The following FDXR variants were observed in gnomAD, a reference collection of about 807,000 sequenced individuals.
FDXR encodes the protein ferredoxin reductase, also known as NADPH:adrenodoxin oxidoreductase, mitochondrial.
In FDXR, 38 loss-of-function variants were observed where a neutral mutation model predicts 58.3. The observed-to-expected ratio is 0.65, with a 90% CI of 0.50 to 0.85. FDXR has a LOEUF of 0.85. FDXR is among the 40% of genes least tolerant of loss of function. The pLI is 0.00. For synonymous variants in FDXR, 275 were observed against 273.8 expected (o/e 1.00, Z -0.04); for missense variants, 624 against 671.0 (o/e 0.93, Z 0.77).
At position 74,866,217 on chromosome 17, in the gene FDXR, G is replaced by T; in HGVS notation, c.421C>A (p.Leu141Met). The change falls in exon 5 of 12, where the codon CTG becomes ATG. Residue 141 changes from leucine (L) to methionine (M), a missense_variant. Physicochemically the swap from Leu to Met is conservative, Grantham distance 15. Coordinates refer to ENST00000293195, the MANE Select transcript of FDXR (RefSeq NM_024417.5). ...LSYGAEDHRA[L>M]EIPGEELPGV... Reference sequence around the variant, plus strand: ...GGCAGCTCCTCACCAGGAATTTCCAGGGCCCGATGGTCCTCTGCCCCGTAG... The same window carrying T: ...GGCAGCTCCTCACCAGGAATTTCCATGGCCCGATGGTCCTCTGCCCCGTAG... 1 of 1,613,968 alleles carries T rather than the reference G, an allele frequency of 6.2e-7. No homozygotes were observed. The highest frequency in any genetic ancestry group is 8.5e-7 in the Non-Finnish European group (1 of 1,179,972).
In FDXR at chr17:74,862,960, G is replaced by A. The variant is rs367904925; in HGVS notation, c.1346-13C>T. On this transcript the variant is annotated splice_polypyrimidine_tract_variant and intron_variant, in intron 11 of 11. Coordinates refer to ENST00000293195, the MANE Select transcript of FDXR (RefSeq NM_024417.5). ...ACTGGCCGGACCCCTGAAGCAGAGG[G>A]GAGATTGTCAACACCTCCTCCTTCA... is the stretch of plus-strand genomic sequence containing the variant. 5.0e-6 allele frequency: 8 copies of A among 1,609,018 alleles called. No homozygotes were observed. In the African/African-American group the frequency reaches 6.7e-5, roughly 13 times the overall value.
rs984749438 is a variant in FDXR at position 74,866,457 on chromosome 17, C to T, written c.382G>A (p.Ala128Thr). 3.1e-6 allele frequency: 5 copies of T among 1,613,118 alleles called. No homozygotes were observed. The highest frequency in any genetic ancestry group is 4.5e-5 in the East Asian group (2 of 44,842). ...CTAGCTGCACTCACCAGCACCACAG[C>T]GTGGTAGGCCTCCTGCAGCTCCGGC... ...TVPELQEAYHAVVLSYGAEDH... is the reference protein window; with the variant it reads ...TVPELQEAYHTVVLSYGAEDH... The change falls in exon 4 of 12, where the codon GCT becomes ACT. Residue 128 changes from alanine to threonine, a missense_variant. Transcript: ENST00000293195.
chr17:74,863,229 A>G lies in FDXR; in HGVS notation c.1192T>C (p.Trp398Arg). 6.2e-7 allele frequency: 1 copy of G among 1,612,960 alleles called. No homozygotes were observed. The highest frequency in any genetic ancestry group is 8.5e-7 in the Non-Finnish European group (1 of 1,179,664). ...MDVPGLYCSG[W>R]VKRGPTGVIA... The stretch of plus-strand genomic sequence containing the variant: ...ACACCTGTAGGTCCTCTCTTCACCC[A>G]GCCGCTGCAGTAGAGGCCTGAGAGG... Residue 398 changes from tryptophan to arginine, a missense_variant, in exon 11 of 12, where the codon TGG (tryptophan) becomes CGG (arginine). Coordinates refer to ENST00000293195, the MANE Select transcript of FDXR (RefSeq NM_024417.5).
At chr17:74,871,708 C>G (rs977492143) in intron 2 of FDXR, among the ~76,000 whole-genome samples, 1 of 152,080 alleles carries the variant, frequency 6.6e-6, no homozygotes, top group East Asian at 1.9e-4. Flanking sequence ...TGAAGATAGA[C>G]GAGAGAGGAG....
At chr17:74,863,640 C>G (rs546186346) in intron 10 of FDXR, among the ~76,000 whole-genome samples, 1 of 152,216 alleles carries the variant, frequency 6.6e-6, no homozygotes, top group Non-Finnish European at 1.5e-5. Context: ...GCACTAAGCA[C>G]AGGGCCTAAC....
intron 1 of FDXR, chr17:74,872,387 A>G: frequency 2.2e-6 from 2 of 916,938 alleles, no homozygotes; most frequent in Non-Finnish European, 3.3e-6. Context: ...CTGCCCAACA[A>G]CACTTCATTC....
chr17:74,867,088 C>T (rs1054433390), intron 2 of FDXR: 21 of 1,067,758 alleles, frequency 2.0e-5, no homozygotes, highest in African/African-American at 1.6e-5. Context: ...AGGTGGATAA[C>T]CTGAGGTCAG....
chr17:74,863,021 C>A (rs1214812082), intron 11 of FDXR, 55 bp downstream of exon 11: 3 of 1,601,660 alleles, frequency 1.9e-6, no homozygotes, highest in Non-Finnish European at 2.6e-6. Context: ...AAGAGTGAGG[C>A]CCAGAGAAGG....
chr17:74,864,716 T>C lies in FDXR; in HGVS notation c.717+108A>G, dbSNP rs1783365815. On this transcript the variant is annotated intron_variant, in intron 7 of 11. Transcript: ENST00000293195. ...CCCGGGGCCCTGACTGCTCCCCTTC[T>C]TCCATCCCAGGCAGCAGCTACTCCC... is the stretch of plus-strand genomic sequence containing the variant. 4 of 1,517,188 alleles carry C rather than the reference T, an allele frequency of 2.6e-6. No homozygotes were observed. In the African/African-American group the frequency reaches 4.1e-5, roughly 16 times the overall value. The allele number at this position is 1,517,188 out of a possible 1,614,324, so 94.0% of individuals were successfully genotyped here.
chr17:74,868,765 G>T, intron 2 of FDXR: 1 of 1,476,610 alleles, frequency 6.8e-7, no homozygotes, highest in Admixed American at 2.1e-5. Context: ...AGGTTCTTCC[G>T]ATTGGCCCCC....
intron 1 of FDXR, chr17:74,872,538 T>C: frequency 1.6e-6 from 1 of 621,978 alleles, no homozygotes; most frequent in South Asian, 2.0e-5. Flanking sequence ...TATAGACCCG[T>C]CTTATTCCTA....
intron 10 of FDXR, 112 bp downstream of exon 10, chr17:74,863,784 G>C: frequency 1.5e-6 from 2 of 1,375,440 alleles, no homozygotes; most frequent in Non-Finnish European, 1.0e-6. Flanking sequence ...GGCCTGCCCT[G>C]CAGAAGCTTC....
In FDXR at chr17:74,863,041, C is replaced by T. The variant is rs751427866; in HGVS notation, c.1345+35G>A. 10 of 1,603,442 alleles carry T rather than the reference C, an allele frequency of 6.2e-6. No individual in the cohort carries two copies. The South Asian group carries it at 7.7e-5, about 12-fold the overall frequency. On this transcript the variant is annotated intron_variant, in intron 11 of 11. Transcript: ENST00000293195. ...TGAGGCCCAGAGAAGGACCACCCAC[C>T]CCACCTCCCAGGACCTCAGCATCGG...
rs756636490 is a variant in FDXR, at chr17:74,866,793, G to A, written c.261C>T (p.Pro87=). ...LVRFGVAPDH[P]EVKNVINTFT... ...GCCCAGAGACACCCACCTTCACCTCGGGGTGATCAGGCGCCACACCAAAGC... is the reference window on the plus strand; with the variant it reads ...GCCCAGAGACACCCACCTTCACCTCAGGGTGATCAGGCGCCACACCAAAGC... Residue 87 remains proline (P), a synonymous_variant, in exon 3 of 12, where the codon CCC becomes CCT. Coordinates refer to ENST00000293195, the MANE Select transcript of FDXR (RefSeq NM_024417.5). The A allele has an allele frequency of 6.0e-5, 97 of 1,614,122 alleles. 1 individual carries two copies. In the South Asian group the frequency reaches 8.3e-4, roughly 14 times the overall value.
intron 2 of FDXR, chr17:74,870,194 G>C (rs1282348936): frequency 7.0e-6 from 2 of 283,858 alleles, no homozygotes; most frequent in East Asian, 7.8e-5. Flanking sequence ...GCATGTGCAC[G>C]TGTCTGCCAG....
intron 7 of FDXR, 51 bp from the exon 8 acceptor site, chr17:74,864,615 TC>T: frequency 6.5e-7 from 1 of 1,549,484 alleles, no homozygotes; most frequent in Non-Finnish European, 8.9e-7. Flanking sequence ...CAGAACACAG[TC>T]CACCTGAGCC....
Position 74,862,576 on chromosome 17 carries a change from G to T in FDXR, c.*241C>A. On this transcript the variant is annotated 3_prime_UTR_variant, in exon 12 of 12. Transcript: ENST00000293195. ...AGTCCAGCAGTAGAGAGATGGGTAAGGGGTTAGATCGGCCCACACCTCCAC... is the reference window on the plus strand; with the variant it reads ...AGTCCAGCAGTAGAGAGATGGGTAATGGGTTAGATCGGCCCACACCTCCAC... 1 of 507,030 alleles carries T rather than the reference G, an allele frequency of 2.0e-6. No homozygotes were observed. The highest frequency in any genetic ancestry group is 3.5e-6 in the Non-Finnish European group (1 of 288,354). The allele number at this position is 507,030 out of a possible 1,614,324, so 31.4% of individuals were successfully genotyped here. A position where few individuals can be genotyped will look rare whatever the true frequency, so the allele number is the denominator to read the frequency against.
rs773068792 is a variant in FDXR at position 74,863,990 on chromosome 17, A to T, written c.1080T>A (p.Ile360=). The T allele has an allele frequency of 1.9e-6, 3 of 1,613,844 alleles. No individual in the cohort carries two copies. Among genetic ancestry groups the T allele is most frequent in the Non-Finnish European group, 2.5e-6 (3 of 1,180,018 alleles). Residue 360 remains isoleucine, a synonymous_variant, in exon 10 of 12, where the codon ATT becomes ATA. Coordinates refer to ENST00000293195, the MANE Select transcript of FDXR (RefSeq NM_024417.5). ...GGTCGACAGGGCGGCTCTTATACCC[A>T]ATGCTGCTGAGCACCAGCCCACAAG... The part of the protein sequence containing the change: ...DLPCGLVLSS[I]GYKSRPVDPS...
intron 9 of FDXR, 39 bp from the exon 10 acceptor site, chr17:74,864,106 G>A: frequency 6.2e-7 from 1 of 1,613,426 alleles, no homozygotes; most frequent in Non-Finnish European, 8.5e-7. Context: ...GCGGGTGGCA[G>A]AGGCCTGGGA....
Sources: allele counts gnomAD v4.1 joint callset (sites outside exome capture counted in the v4.1 genomes callset), GRCh38; gene constraint gnomAD v4.1.1; transcripts MANE v1.5; gene names NCBI Gene and HGNC (gene_info 2026-07-23, HGNC 2026-07-21).